The following ITGA11 variants were observed in gnomAD, a reference collection of about 807,000 sequenced individuals.
ITGA11 encodes integrin subunit alpha 11.
A neutral mutation model predicts 141.9 loss-of-function variants in ITGA11; 97 were observed. The ratio of observed to expected loss-of-function variants is 0.68; its 90% CI spans 0.58 to 0.81. ITGA11 has a LOEUF of 0.81. ITGA11 is among the 30% of genes least tolerant of loss of function. The pLI, the probability that ITGA11 is intolerant of heterozygous loss-of-function variation, is 0.00. For synonymous variants in ITGA11, 658 were observed against 624.6 expected (o/e 1.05, Z -0.80); for missense variants, 1,387 against 1,559.2 (o/e 0.89, Z 1.86).
chr15:68,310,864 C>T, intron 26 of ITGA11, 130 bp downstream of exon 26: 1 of 672,488 alleles, frequency 1.5e-6, no homozygotes, highest in Non-Finnish European at 2.6e-6. Flanking sequence ...TGGTTTGGGG[C>T]TGGGTACATA....
intron 10 of ITGA11, among the ~76,000 whole-genome samples, chr15:68,340,265 C>T (rs1385767137): frequency 2.6e-5 from 4 of 151,366 alleles, no homozygotes. Context: ...GTGATCAACG[C>T]AATCAGGGAA....
At position 68,299,269 on chromosome 15, in the gene ITGA11, A is replaced by G. The variant is rs910680339; in HGVS notation, c.*3790T>C. 8 of 152,312 alleles carry G rather than the reference A, an allele frequency of 5.3e-5. No individual in the cohort carries two copies. The highest frequency in any genetic ancestry group is 3.9e-4 in the East Asian group (2 of 5,188). 9.4% of individuals were successfully genotyped at this position (152,312 alleles called of 1,614,324 possible). A position where few individuals can be genotyped will look rare whatever the true frequency, so the allele number is the denominator to read the frequency against. ...CCTGTTTCAGTTTCAGTTTTGGAAC[A>G]TGCTGTCCTATTTTAGCATGATGTT... is the stretch of plus-strand genomic sequence containing the variant. On this transcript the variant is annotated 3_prime_UTR_variant, in exon 30 of 30. Transcript: ENST00000315757.
intron 3 of ITGA11, chr15:68,365,492 C>T (rs1280968411): frequency 4.7e-6 from 1 of 211,146 alleles, no homozygotes; most frequent in Non-Finnish European, 8.2e-6. Context: ...ACCAGATCAT[C>T]CTGGAGGCCA....
intron 7 of ITGA11, among the ~76,000 whole-genome samples, chr15:68,353,059 G>T (rs1289735240): frequency 6.6e-6 from 1 of 152,198 alleles, no homozygotes; most frequent in East Asian, 1.9e-4. Flanking sequence ...CCACAGCAAG[G>T]CAGGACAGGC....
Position 68,381,658 on chromosome 15 carries a change from C to T in ITGA11, c.165-12374G>A, listed in dbSNP as rs1268885416. On this transcript the variant is annotated intron_variant, in intron 2 of 29. Coordinates refer to ENST00000315757, the MANE Select transcript of ITGA11 (RefSeq NM_001004439.2). ...GCAACCTCCACCTCCCGGGCTCAAG[C>T]GATTCTCCTGCCTCAGCCTCCCGAG... 2.6e-5 allele frequency among the ~76,000 whole-genome samples: 4 copies of T among 151,994 alleles called. No homozygotes were observed. The East Asian group carries it at 5.8e-4, about 22-fold the overall frequency.
At chr15:68,311,755 T>C (rs1893394893) in intron 24 of ITGA11, among the ~76,000 whole-genome samples, 1 of 152,170 alleles carries the variant, frequency 6.6e-6, no homozygotes, top group African/African-American at 2.4e-5. Flanking sequence ...GTGACAGCAA[T>C]GAATACATCA....
chr15:68,385,824 G>A (rs142673310), intron 2 of ITGA11, among the ~76,000 whole-genome samples: 1 of 152,238 alleles, frequency 6.6e-6, no homozygotes, highest in African/African-American at 2.4e-5. Context: ...TTCTACCTCT[G>A]GGCCTCAGTG....
rs567192790 is a variant in ITGA11 at position 68,362,812 on chromosome 15, AGATGATGGATGAATTAGTGGATG to A, written c.358-1131_358-1109del. ...ATGGGTGAATGAATGATGGCTGGAT[AGATGATGGATGAATTAGTGGATG>A]GATGATGGATGGATAGATGATCCAT... On this transcript the variant is annotated intron_variant, in intron 4 of 29. Transcript: ENST00000315757. 2.1e-4 allele frequency among the ~76,000 whole-genome samples: 32 copies of A among 152,124 alleles called. No homozygotes were observed. In the East Asian group the frequency reaches 6.0e-3, roughly 28 times the overall value.
chr15:68,357,456 G>A (rs1271699513), intron 6 of ITGA11, among the ~76,000 whole-genome samples, 157 bp from the exon 7 acceptor site: 1 of 152,214 alleles, frequency 6.6e-6, no homozygotes, highest in Non-Finnish European at 1.5e-5. Flanking sequence ...CAGCCAAAGG[G>A]AAGTGAGTTC....
chr15:68,407,772 C>G (rs777914600), intron 1 of ITGA11, among the ~76,000 whole-genome samples: 1 of 152,160 alleles, frequency 6.6e-6, no homozygotes, highest in Non-Finnish European at 1.5e-5. Flanking sequence ...CAAGAAGGGA[C>G]GGAAACCACA....
chr15:68,382,530 C>T (rs527868085), intron 2 of ITGA11, among the ~76,000 whole-genome samples: 156 of 152,376 alleles, frequency 1.0e-3, no homozygotes, highest in African/African-American at 3.5e-3. Flanking sequence ...CACATCCAGA[C>T]GTCTGGAACC....
intron 1 of ITGA11, among the ~76,000 whole-genome samples, chr15:68,428,751 A>T (rs1268227725): frequency 6.6e-6 from 1 of 151,670 alleles, no homozygotes; most frequent in East Asian, 1.9e-4. Flanking sequence ...GTTGGGTAGG[A>T]CCCCTACCCA....
intron 19 of ITGA11, among the ~76,000 whole-genome samples, chr15:68,320,830 G>T (rs1234209183): frequency 6.6e-6 from 1 of 152,080 alleles, no homozygotes; most frequent in African/African-American, 2.4e-5. Flanking sequence ...TCTATGTCAT[G>T]GTATATATGT....
intron 2 of ITGA11, among the ~76,000 whole-genome samples, chr15:68,391,207 G>C (rs1430616709): frequency 6.6e-6 from 1 of 152,158 alleles, no homozygotes; most frequent in East Asian, 1.9e-4. Flanking sequence ...TCAGCTCTCG[G>C]GGTCCCCAAG....
At chr15:68,317,501 A>G in intron 20 of ITGA11, 138 bp from the exon 21 acceptor site, 2 of 660,588 alleles carry the variant, frequency 3.0e-6, no homozygotes, top group South Asian at 1.8e-5. Flanking sequence ...AGCCTGGACC[A>G]CAGCCCTTCT....
At chr15:68,382,403 G>C (rs1567151802) in intron 2 of ITGA11, among the ~76,000 whole-genome samples, 1 of 152,128 alleles carries the variant, frequency 6.6e-6, no homozygotes. Context: ...TCCAAACTTT[G>C]CAAGGAAAAT....
At chr15:68,369,147 C>G (rs1895511958) in intron 3 of ITGA11, 37 bp downstream of exon 3, 1 of 1,458,290 alleles carries the variant, frequency 6.9e-7, no homozygotes, top group South Asian at 1.1e-5. Flanking sequence ...TAGACAACCG[C>G]TGGCCTCATT....
chr15:68,351,310 TC>T lies in ITGA11; in HGVS notation c.841del (p.Glu281ArgfsTer3). 1 of 1,614,038 alleles carries T rather than the reference TC, an allele frequency of 6.2e-7. No homozygotes were observed. The highest frequency in any genetic ancestry group is 8.5e-7 in the Non-Finnish European group (1 of 1,179,894). On this transcript the variant is annotated frameshift_variant, in exon 8 of 30. Transcript: ENST00000315757. LOFTEE classifies it high-confidence loss of function. ...DGESHDSPDLEKVIQQSERDN... is the reference protein window; with the variant it reads ...DGESHDSPDLXKVIQQSERDN... ...TCTTTCGCTTTGCTGGATCACCTTC[TC>T]CAGGTCTGGGCTGTCGTGGGACTCC...
At chr15:68,383,279 GA>G (rs555215234) in intron 2 of ITGA11, among the ~76,000 whole-genome samples, 157 of 120,690 alleles carry the variant, frequency 1.3e-3, no homozygotes, top group African/African-American at 2.6e-3. Context: ...TCAAAAAAAA[GA>G]AAAAAAAAAA....
Sources: allele counts gnomAD v4.1 joint callset (sites outside exome capture counted in the v4.1 genomes callset), GRCh38; gene constraint gnomAD v4.1.1; transcripts MANE v1.5; gene names NCBI Gene and HGNC (gene_info 2026-07-23, HGNC 2026-07-21).